Variants in TASP1 observed in about 807,000 individuals in gnomAD.
The protein encoded by TASP1 is taspase 1.
Under a neutral mutation model 56.6 loss-of-function variants are expected in TASP1, and 16 were observed. The ratio of observed to expected loss-of-function variants is 0.28; its 90% confidence interval spans 0.19 to 0.43. TASP1 has a LOEUF of 0.43. Among genes scored for constraint, TASP1 ranks in the 20% least tolerant of loss-of-function variants. The pLI is 1.00. For missense variants in TASP1, 393 were observed against 511.6 expected, an observed-to-expected ratio of 0.77 and a Z score of 2.24; for synonymous variants, 179 against 184.2, an observed-to-expected ratio of 0.97 and a Z score of 0.23.
At chr20:13,405,341 A>G (rs1190060743) in intron 13 of TASP1, among the ~76,000 whole-genome samples, 1 of 152,258 alleles carries the variant, frequency 6.6e-6, no homozygotes, top group African/African-American at 2.4e-5. Context: ...ACCAAAATAC[A>G]TACATCAGGA....
the TASP1 span, among the ~76,000 whole-genome samples, chr20:13,272,503 A>G: frequency 6.6e-6 from 1 of 152,250 alleles, no homozygotes; most frequent in Non-Finnish European, 1.5e-5. Context: ...GAGGAGGAAA[A>G]GCACTGTGTC....
chr20:13,221,254 TC>T, the TASP1 span, among the ~76,000 whole-genome samples: 4,455 of 117,630 alleles, frequency 0.038, 245 homozygotes, highest in African/African-American at 0.13. Flanking sequence ...CTCCTCCTCC[TC>T]CTCCTCCTTC....
At chr20:13,245,785 A>G in the TASP1 span, among the ~76,000 whole-genome samples, 4 of 152,112 alleles carry the variant, frequency 2.6e-5, no homozygotes, top group Non-Finnish European at 2.9e-5. Flanking sequence ...CAAACTTCCA[A>G]TCATTCCCCT....
At chr20:13,393,571 C>G in intron 13 of TASP1, 1 of 863,450 alleles carries the variant, frequency 1.2e-6, no homozygotes. Context: ...GCTGGCAATG[C>G]CCTCAACAAC....
chr20:13,634,701 G>A (rs1045761395), intron 1 of TASP1, among the ~76,000 whole-genome samples: 3 of 145,900 alleles, frequency 2.1e-5, no homozygotes, highest in African/African-American at 7.7e-5. Flanking sequence ...CTGCACCTCA[G>A]CCTGGGCAAA....
At chr20:13,215,498 G>C in the TASP1 span, among the ~76,000 whole-genome samples, 3 of 152,198 alleles carry the variant, frequency 2.0e-5, no homozygotes, top group Non-Finnish European at 4.4e-5. Flanking sequence ...GGAACTATAA[G>C]GGTTGGCTAT....
At chr20:13,459,879 C>T (rs1461555849) in intron 11 of TASP1, among the ~76,000 whole-genome samples, 4 of 152,120 alleles carry the variant, frequency 2.6e-5, no homozygotes, top group Non-Finnish European at 5.9e-5. Flanking sequence ...CGAACACACA[C>T]ATCATTAATT....
the TASP1 span, among the ~76,000 whole-genome samples, chr20:13,155,353 T>C: frequency 6.6e-6 from 1 of 152,176 alleles, no homozygotes; most frequent in African/African-American, 2.4e-5. Flanking sequence ...TGTTTGACTC[T>C]CTAATAGCCT....
intron 11 of TASP1, among the ~76,000 whole-genome samples, chr20:13,482,392 T>A (rs1390063291): frequency 6.6e-6 from 1 of 152,194 alleles, no homozygotes; most frequent in African/African-American, 2.4e-5. Context: ...CTATTCTGGG[T>A]CTTTTGCGAG....
At chr20:13,616,655 G>A (rs937357930) in intron 4 of TASP1, among the ~76,000 whole-genome samples, 345 of 147,710 alleles carry the variant, frequency 2.3e-3, no homozygotes, top group African/African-American at 8.6e-3. Context: ...AAAAAAAAAA[G>A]GGCAGTTGGG....
In TASP1 at chr20:13,422,675, G is replaced by A. The variant is rs543532809; in HGVS notation, c.1097-5154C>T. Among the ~76,000 whole-genome samples, 12 of 152,250 alleles carry A rather than the reference G, an allele frequency of 7.9e-5. No homozygotes were observed. The South Asian group carries it at 1.0e-3, about 13-fold the overall frequency. On this transcript the variant is annotated intron_variant, in intron 12 of 13. Coordinates refer to ENST00000337743, the MANE Select transcript of TASP1 (RefSeq NM_017714.3). ...ACAGCACTTCAGTACTATGCTTGGC[G>A]CAATTTTAAATGGCAAAATCACCAT...
chr20:13,380,708 G>A, the TASP1 span, among the ~76,000 whole-genome samples: 20 of 152,164 alleles, frequency 1.3e-4, no homozygotes, highest in African/African-American at 4.3e-4. Flanking sequence ...TCTGTCCCAG[G>A]GAGATGGGAG....
At chr20:13,481,395 A>G (rs576023297) in intron 11 of TASP1, among the ~76,000 whole-genome samples, 1 of 152,270 alleles carries the variant, frequency 6.6e-6, no homozygotes, top group African/African-American at 2.4e-5. Context: ...GAGTGCAAAT[A>G]TCTCTTCAAT....
chr20:13,453,919 G>A (rs868800468), intron 11 of TASP1, among the ~76,000 whole-genome samples: 2 of 152,160 alleles, frequency 1.3e-5, no homozygotes, highest in Middle Eastern at 3.4e-3. Flanking sequence ...AGAGCAGGTG[G>A]TATTTCAATT....
At chr20:13,279,105 CA>C in the TASP1 span, among the ~76,000 whole-genome samples, 1 of 152,132 alleles carries the variant, frequency 6.6e-6, no homozygotes. Context: ...ATGTGGCACA[CA>C]AAAACACAGA....
chr20:13,454,792 C>G (rs1291431636), intron 11 of TASP1, among the ~76,000 whole-genome samples: 1 of 152,118 alleles, frequency 6.6e-6, no homozygotes, highest in Non-Finnish European at 1.5e-5. Context: ...TTGTGTCAGT[C>G]CCTGGAGGCC....
intron 11 of TASP1, among the ~76,000 whole-genome samples, chr20:13,449,321 T>A (rs977110450): frequency 6.6e-6 from 1 of 152,110 alleles, no homozygotes. Flanking sequence ...AAGAACATTA[T>A]ACATTTAGTT....
the TASP1 span, among the ~76,000 whole-genome samples, chr20:13,247,517 G>GGGGGT: frequency 2.1e-5 from 3 of 139,806 alleles, no homozygotes; most frequent in African/African-American, 5.4e-5. Flanking sequence ...CAAAGTGAGG[G>GGGGGT]GTGTGTGTGT....
intron 11 of TASP1, among the ~76,000 whole-genome samples, chr20:13,479,748 A>T (rs1008915259): frequency 6.6e-6 from 1 of 152,090 alleles, no homozygotes; most frequent in Non-Finnish European, 1.5e-5. Flanking sequence ...CACCCACCTC[A>T]GCCTCCCGAA....
Sources: gnomAD v4.1 joint callset for allele counts (sites outside exome capture counted in the v4.1 genomes callset) on GRCh38, gnomAD v4.1.1 for gene constraint, MANE v1.5 for transcripts, NCBI Gene and HGNC (gene_info 2026-07-23, HGNC 2026-07-21) for gene names.